Variants in NBR1 observed in about 807,000 individuals in gnomAD.
NBR1 encodes the protein next to BRCA1 gene 1 protein.
NBR1 carries 59 observed loss-of-function variants against 115.5 expected under a neutral mutation model. The ratio of observed to expected loss-of-function variants is 0.51; its 90% confidence interval spans 0.41 to 0.63. The LOEUF (loss-of-function observed/expected upper bound fraction) is 0.63. Ranked by LOEUF, NBR1 falls within the 30% of genes least tolerant of loss-of-function variation. NBR1 has a pLI of 0.00. For missense variants in NBR1, 1,043 were observed against 1,150.5 expected, an observed-to-expected ratio of 0.91 and a Z score of 1.35; for synonymous variants, 373 against 414.7, an observed-to-expected ratio of 0.90 and a Z score of 1.22.
At chr17:43,201,262 C>T (rs1258826144) in intron 17 of NBR1, among the ~76,000 whole-genome samples, 6 of 152,140 alleles carry the variant, frequency 3.9e-5, no homozygotes, top group Admixed American at 2.6e-4. Context: ...CCCAAACAGT[C>T]ATAATTAGGA....
At chr17:43,201,587 CTG>C in intron 17 of NBR1, 97 bp from the exon 18 acceptor site, 5 of 712,480 alleles carry the variant, frequency 7.0e-6, no homozygotes, top group Admixed American at 2.2e-5. Flanking sequence ...TGTGAAGCCT[CTG>C]TAGAGAATTT....
At chr17:43,204,184 C>T (rs1221557448) in intron 20 of NBR1, among the ~76,000 whole-genome samples, 4 of 152,072 alleles carry the variant, frequency 2.6e-5, no homozygotes, top group East Asian at 3.9e-4. Flanking sequence ...ATGATCTTCC[C>T]GCTTCAGCCT....
rs2057200731 is a variant in NBR1, at chr17:43,201,690, T to C, written c.2473T>C (p.Ser825Pro). Residue 825 changes from serine (S) to proline (P), a missense_variant, in exon 18 of 21, where the codon TCT becomes CCT. Coordinates refer to ENST00000590996, the MANE Select transcript of NBR1 (RefSeq NM_005899.5). ...VELPPSLPRS[S>P]PCVHHHGSPG... is the part of the protein sequence containing the mutation. ...CATATTGTGTCTTTCTGAAAGGAGC[T>C]CTCCTTGTGTACATCATCATGGTTC... is the stretch of plus-strand genomic sequence containing the variant. The C allele has an allele frequency of 3.8e-6, 6 of 1,590,770 alleles. No individual in the cohort carries two copies. Among genetic ancestry groups the C allele is most frequent in the South Asian group, 1.1e-5 (1 of 90,536 alleles).
rs1454925094 is a variant in NBR1, at chr17:43,193,553, C to T, written c.1439C>T (p.Pro480Leu). The T allele has an allele frequency of 9.9e-6, 16 of 1,612,900 alleles. No individual in the cohort carries two copies. The highest frequency in any genetic ancestry group is 1.4e-5 in the Non-Finnish European group (16 of 1,179,512). The stretch of plus-strand genomic sequence containing the variant: ...GTCTGGTGCAGTATCATAGTAGATC[C>T]TTTCCCCTCCGAAGAGAGCCCTGAT... ...PRVWCSIIVD[P>L]FPSEESPDNI... Residue 480 changes from proline (P) to leucine (L), a missense_variant, in exon 12 of 21, where the codon CCT becomes CTT. Physicochemically the swap from Pro to Leu is moderately conservative, Grantham distance 98. Transcript: ENST00000590996.
intron 13 of NBR1, 104 bp downstream of exon 13, chr17:43,194,603 C>T (rs2057024787): frequency 7.9e-7 from 1 of 1,268,912 alleles, no homozygotes; most frequent in African/African-American, 1.5e-5. Flanking sequence ...GATATGCCCA[C>T]TTTGATCTAG....
At chr17:43,174,438 A>G (rs923457781) in intron 1 of NBR1, among the ~76,000 whole-genome samples, 3 of 152,060 alleles carry the variant, frequency 2.0e-5, no homozygotes, top group African/African-American at 7.2e-5. Flanking sequence ...TCTACTAAAA[A>G]TACAAAAAAA....
intron 15 of NBR1, among the ~76,000 whole-genome samples, 167 bp downstream of exon 15, chr17:43,196,758 A>G (rs2057077356): frequency 6.6e-6 from 1 of 152,168 alleles, no homozygotes; most frequent in African/African-American, 2.4e-5. Flanking sequence ...GATAGCAGCT[A>G]TTCCTTGGTT....
intron 20 of NBR1, among the ~76,000 whole-genome samples, chr17:43,208,549 T>C (rs1598022421): frequency 6.6e-6 from 1 of 152,206 alleles, no homozygotes; most frequent in Non-Finnish European, 1.5e-5. Context: ...CATAAAGGAA[T>C]TGATAGCACA....
In NBR1 at chr17:43,193,519, G is replaced by A; in HGVS notation, c.1405G>A (p.Gly469Arg). Residue 469 changes from glycine to arginine, a missense_variant, in exon 12 of 21, where the codon GGG (glycine) becomes AGG (arginine). Coordinates refer to ENST00000590996, the MANE Select transcript of NBR1 (RefSeq NM_005899.5). ...WRLSHKGQQF[G>R]PRVWCSIIVD... ...TCTTTCTCACAAAGGCCAGCAATTT[G>A]GGCCTCGGGTCTGGTGCAGTATCAT... 6.2e-7 allele frequency: 1 copy of A among 1,613,620 alleles called. No homozygotes were observed. The highest frequency in any genetic ancestry group is 8.5e-7 in the Non-Finnish European group (1 of 1,179,744).
At chr17:43,180,506 ATATC>A (rs2056635735) in intron 4 of NBR1, among the ~76,000 whole-genome samples, 1 of 152,222 alleles carries the variant, frequency 6.6e-6, no homozygotes, top group African/African-American at 2.4e-5. Context: ...GCAAATTAAC[ATATC>A]TATCATCTCA....
intron 1 of NBR1, among the ~76,000 whole-genome samples, chr17:43,173,091 G>A (rs1310622088): frequency 6.6e-6 from 1 of 152,166 alleles, no homozygotes; most frequent in Non-Finnish European, 1.5e-5. Flanking sequence ...CTCCCAAAGT[G>A]CTGGGATTAC....
intron 2 of NBR1, chr17:43,176,728 A>G (rs1412321933): frequency 6.6e-6 from 1 of 152,036 alleles, no homozygotes; most frequent in Non-Finnish European, 1.5e-5. Context: ...TGTGAAAATC[A>G]GTTATCTTTC....
chr17:43,195,125 G>A, intron 14 of NBR1, 86 bp downstream of exon 14: 2 of 1,039,030 alleles, frequency 1.9e-6, no homozygotes, highest in East Asian at 2.5e-5. Flanking sequence ...GTTTTATTCT[G>A]AGGAAATGGC....
chr17:43,200,608 G>C lies in NBR1; in HGVS notation c.2468G>C (p.Arg823Thr), dbSNP rs1189181641. ...EVVELPPSLP[R>T]SSPCVHHHGS... ...GTGGAGCTTCCACCGTCACTGCCCA[G>C]GTACCACTCACAGCCCCCTCAGCTG... is the stretch of plus-strand genomic sequence containing the variant. Residue 823 changes from arginine (R) to threonine (T), a missense_variant and splice_region_variant, in exon 17 of 21, where the codon AGG (arginine) becomes ACG (threonine). Coordinates refer to ENST00000590996, the MANE Select transcript of NBR1 (RefSeq NM_005899.5). 1 of 1,596,956 alleles carries C rather than the reference G, an allele frequency of 6.3e-7. No homozygotes were observed. Among genetic ancestry groups the C allele is most frequent in the Non-Finnish European group, 8.6e-7 (1 of 1,168,216 alleles).
intron 5 of NBR1, among the ~76,000 whole-genome samples, chr17:43,186,003 AAAATAAATAAATAAATAAAT>A (rs57886411): frequency 5.4e-4 from 80 of 147,194 alleles, no homozygotes; most frequent in Middle Eastern, 3.4e-3. Context: ...CTCCGTCTCA[AAAATAAATAAATAAATAAAT>A]AAATAAATAA....
chr17:43,174,963 G>A (rs1293730742), intron 1 of NBR1, among the ~76,000 whole-genome samples: 1 of 151,534 alleles, frequency 6.6e-6, no homozygotes, highest in African/African-American at 2.4e-5. Flanking sequence ...AAAATTAGCC[G>A]GATGTGGTGG....
intron 20 of NBR1, among the ~76,000 whole-genome samples, chr17:43,204,227 C>T (rs1310697319): frequency 1.3e-5 from 2 of 151,480 alleles, no homozygotes; most frequent in Non-Finnish European, 2.9e-5. Flanking sequence ...TGTGAGCCAC[C>T]GCACCTGGCC....
chr17:43,170,921 T>A (rs533142599), upstream of NBR1: 109 of 152,136 alleles, frequency 7.2e-4, no homozygotes, highest in Middle Eastern at 3.4e-3. Context: ...GCCCCACGAG[T>A]CTCGGGCAAG....
chr17:43,178,417 C>G (rs568712081), intron 3 of NBR1, among the ~76,000 whole-genome samples: 2 of 147,824 alleles, frequency 1.4e-5, no homozygotes, highest in East Asian at 4.0e-4. Context: ...CACTCCATAA[C>G]CTAGGCTGGA....
Sources: allele counts gnomAD v4.1 joint callset (sites outside exome capture counted in the v4.1 genomes callset), GRCh38; gene constraint gnomAD v4.1.1; transcripts MANE v1.5; gene names NCBI Gene and HGNC (gene_info 2026-07-23, HGNC 2026-07-21).